The following FGF14 variants were observed in gnomAD, a reference collection of about 807,000 sequenced individuals.
The protein encoded by FGF14 is fibroblast growth factor homologous factor 4.
A neutral mutation model predicts 25.5 loss-of-function variants in FGF14; 5 were observed. That is an observed-to-expected ratio of 0.20 (90% CI 0.10 to 0.41). FGF14 has a LOEUF of 0.41. Ranked by LOEUF, FGF14 falls within the 10% of genes least tolerant of loss-of-function variation. The probability of loss-of-function intolerance (pLI) is 1.00; values close to 1 mark genes in which losing one functional copy is unlikely to be tolerated. For missense variants in FGF14, 222 were observed against 320.1 expected (o/e 0.69, Z 2.34); for synonymous variants, 138 against 118.3 (o/e 1.17, Z -1.08).
chr13:101,838,718 G>C (rs867738982), intron 3 of FGF14, among the ~76,000 whole-genome samples: 1 of 151,902 alleles, frequency 6.6e-6, no homozygotes, highest in Admixed American at 6.6e-5. Flanking sequence ...CCTTGAACTA[G>C]GCAGCTAACT....
chr13:102,146,477 T>A (rs553674029), intron 1 of FGF14, among the ~76,000 whole-genome samples: 26 of 152,312 alleles, frequency 1.7e-4, no homozygotes, highest in African/African-American at 6.3e-4. Context: ...ACTTTCCTAA[T>A]TCGTTCAACC....
chr13:101,818,388 T>C (rs2041945621), intron 3 of FGF14, among the ~76,000 whole-genome samples: 3 of 152,234 alleles, frequency 2.0e-5, no homozygotes, highest in Admixed American at 2.0e-4. Flanking sequence ...AGGTCCTCCC[T>C]GTGCCATGTA....
intron 1 of FGF14, among the ~76,000 whole-genome samples, chr13:102,023,184 G>A (rs2040757998): frequency 6.6e-6 from 1 of 151,818 alleles, no homozygotes; most frequent in Non-Finnish European, 1.5e-5. Context: ...CCTAATATCA[G>A]CTGTTCAAAA....
At chr13:101,769,653 A>T (rs2038632914) in intron 3 of FGF14, among the ~76,000 whole-genome samples, 1 of 148,270 alleles carries the variant, frequency 6.7e-6, no homozygotes, top group Non-Finnish European at 1.5e-5. Flanking sequence ...CAATCCATGA[A>T]CAGACATGGA....
chr13:101,993,832 A>C (rs2139687012), intron 1 of FGF14, among the ~76,000 whole-genome samples: 1 of 152,146 alleles, frequency 6.6e-6, no homozygotes, highest in African/African-American at 2.4e-5. Flanking sequence ...GTGACGAGTT[A>C]ATGGGTGCAG....
Position 102,082,838 on chromosome 13 carries a change from G to A in FGF14, c.209-207542C>T, listed in dbSNP as rs1037627387. Among the ~76,000 whole-genome samples, 34 of 151,272 alleles carry A rather than the reference G, an allele frequency of 2.2e-4. 1 individual carries two copies. Among genetic ancestry groups the A allele is most frequent in the Admixed American group, 1.8e-3 (28 of 15,242 alleles). On this transcript the variant is annotated intron_variant, in intron 1 of 4. Transcript: ENST00000376131. ...CCGGGCGTAGTGGCGGGCGCCTGTA[G>A]TCCCAGCTACTTGGGAGGCTGAGGC...
intron 4 of FGF14, chr13:101,723,189 A>G: frequency 1.8e-6 from 1 of 567,708 alleles, no homozygotes; most frequent in East Asian, 3.2e-5. Context: ...TAAAATATGT[A>G]TATGAGTGTG....
chr13:102,143,456 G>A lies in FGF14; in HGVS notation c.208+258015C>T, dbSNP rs925666609. ...ATTAACACCAACAAAGCCTTCAAGA[G>A]TAAAACTGAGGGGTATGGTGAACAT... On this transcript the variant is annotated intron_variant, in intron 1 of 4. Coordinates refer to the FGF14 transcript ENST00000376131. 5.9e-5 allele frequency among the ~76,000 whole-genome samples: 9 copies of A among 152,148 alleles called. No homozygotes were observed. The East Asian group carries it at 1.7e-3, about 29-fold the overall frequency.
chr13:102,252,250 GACCCAGCCCTGCTAGAGTGGGAA>G (rs1214511914), intron 1 of FGF14, among the ~76,000 whole-genome samples: 5 of 152,192 alleles, frequency 3.3e-5, no homozygotes, highest in Admixed American at 1.3e-4. Flanking sequence ...ACTGAGGCAA[GACCCAGCCCTGCTAGAGTGGGAA>G]ACTCACTGGT....
At chr13:102,230,005 C>A (rs1303139831) in intron 1 of FGF14, among the ~76,000 whole-genome samples, 2 of 152,080 alleles carry the variant, frequency 1.3e-5, no homozygotes, top group African/African-American at 4.8e-5. Context: ...TTACATTCCT[C>A]CAAAATTTAC....
intron 1 of FGF14, among the ~76,000 whole-genome samples, chr13:102,087,647 A>G (rs2043985608): frequency 7.3e-6 from 1 of 136,752 alleles, no homozygotes; most frequent in South Asian, 2.3e-4. Flanking sequence ...GATGGTCTCG[A>G]TCTCCTGACC....
chr13:102,207,136 C>T (rs2049960921), intron 1 of FGF14, among the ~76,000 whole-genome samples: 1 of 151,756 alleles, frequency 6.6e-6, no homozygotes, highest in African/African-American at 2.4e-5. Context: ...AAAAATTAGC[C>T]AGGCATGGTG....
chr13:102,168,947 A>G (rs2048129300), intron 1 of FGF14, among the ~76,000 whole-genome samples: 1 of 152,050 alleles, frequency 6.6e-6, no homozygotes, highest in Non-Finnish European at 1.5e-5. Context: ...TGGAGAAAAT[A>G]ACATGGAGAA....
rs1009194971 is a variant in FGF14 at position 102,339,426 on chromosome 13, T to C, written c.208+62045A>G. ...ATTTGTATGGAAATGATCAAAGACA[T>C]AATTTTAAAAACAAAATTTTATAAC... On this transcript the variant is annotated intron_variant, in intron 1 of 4. Transcript: ENST00000376131. 2.6e-4 allele frequency among the ~76,000 whole-genome samples: 39 copies of C among 152,204 alleles called. 1 individual carries two copies. Among genetic ancestry groups the C allele is most frequent in the African/African-American group, 8.9e-4 (37 of 41,554 alleles).
intron 1 of FGF14, among the ~76,000 whole-genome samples, chr13:101,908,426 G>T (rs928797674): frequency 9.2e-5 from 14 of 152,240 alleles, no homozygotes; most frequent in African/African-American, 3.4e-4. Context: ...GTGTATTAAT[G>T]AATGGATAAT....
intron 1 of FGF14, among the ~76,000 whole-genome samples, chr13:102,011,357 A>G (rs1357767906): frequency 1.3e-5 from 2 of 152,236 alleles, no homozygotes; most frequent in Non-Finnish European, 2.9e-5. Flanking sequence ...CTGGGAGAAT[A>G]AGACTTAAGT....
chr13:101,973,472 G>GTA (rs767779267), intron 1 of FGF14, among the ~76,000 whole-genome samples: 21 of 151,830 alleles, frequency 1.4e-4, no homozygotes, highest in Admixed American at 5.3e-4. Context: ...AATTGAATAT[G>GTA]TATATATATA....
Position 102,317,353 on chromosome 13 carries a change from A to G in FGF14, c.208+84118T>C, listed in dbSNP as rs376463011. On this transcript the variant is annotated intron_variant, in intron 1 of 4. Transcript: ENST00000376131. ...CCCACCTGCATTCTGTATAGTGGTA[A>G]TAAGTATTAGAAAAAAAAAGATCCC... 6.6e-5 allele frequency among the ~76,000 whole-genome samples: 10 copies of G among 152,202 alleles called. No individual in the cohort carries two copies. The East Asian group carries it at 1.5e-3, about 23-fold the overall frequency.
At chr13:102,208,031 A>T (rs891590151) in intron 1 of FGF14, among the ~76,000 whole-genome samples, 1 of 152,180 alleles carries the variant, frequency 6.6e-6, no homozygotes, top group African/African-American at 2.4e-5. Context: ...CTTCATTAAA[A>T]CTTTAATTTC....
Sources: gnomAD v4.1 joint callset for allele counts (sites outside exome capture counted in the v4.1 genomes callset) on GRCh38, gnomAD v4.1.1 for gene constraint, MANE v1.5 for transcripts, NCBI Gene and HGNC (gene_info 2026-07-23, HGNC 2026-07-21) for gene names.